Variants in NLGN1 observed in about 807,000 individuals in gnomAD.
NLGN1 encodes neuroligin 1.
NLGN1 carries 12 observed loss-of-function variants against 65.5 expected under a neutral mutation model. The observed-to-expected ratio is 0.18, with a 90% CI of 0.12 to 0.30. NLGN1 has a LOEUF of 0.30. NLGN1 is among the 10% of genes least tolerant of loss of function. NLGN1 has a pLI of 1.00. For synonymous variants in NLGN1, 350 were observed against 359.5 expected (o/e 0.97, Z 0.30); for missense variants, 750 against 1,007.1 (o/e 0.74, Z 3.46).
intron 2 of NLGN1, among the ~76,000 whole-genome samples, chr3:173,577,803 T>C (rs1404640885): frequency 1.3e-5 from 2 of 152,176 alleles, no homozygotes; most frequent in Non-Finnish European, 2.9e-5. Context: ...ATTTTCTCAG[T>C]TTCTTGTAAG....
At chr3:174,121,921 G>A (rs1184707447) in intron 4 of NLGN1, among the ~76,000 whole-genome samples, 2 of 152,090 alleles carry the variant, frequency 1.3e-5, no homozygotes, top group Non-Finnish European at 2.9e-5. Flanking sequence ...CACTATTCTT[G>A]CACTTGTCAT....
intron 4 of NLGN1, among the ~76,000 whole-genome samples, chr3:174,054,548 G>T (rs1318532986): frequency 1.3e-5 from 2 of 151,832 alleles, no homozygotes; most frequent in East Asian, 3.9e-4. Flanking sequence ...AGCTTTAGGG[G>T]TTCTGAACTG....
upstream of NLGN1, chr3:173,397,666 C>T (rs982071756): frequency 6.6e-6 from 1 of 152,602 alleles, no homozygotes; most frequent in East Asian, 1.9e-4. Context: ...CCCAGCTCTC[C>T]TCGCCGCTCC....
At chr3:173,513,886 G>T (rs1486987613) in intron 2 of NLGN1, among the ~76,000 whole-genome samples, 1 of 151,900 alleles carries the variant, frequency 6.6e-6, no homozygotes, top group African/African-American at 2.4e-5. Flanking sequence ...AAATTAGCCG[G>T]GTGTGGTGGT....
intron 4 of NLGN1, among the ~76,000 whole-genome samples, chr3:174,258,552 C>T (rs1374634168): frequency 6.6e-6 from 1 of 152,082 alleles, no homozygotes; most frequent in East Asian, 1.9e-4. Flanking sequence ...AATTACCACC[C>T]TAACCAAACG....
At chr3:173,640,533 C>T (rs944813372) in intron 3 of NLGN1, among the ~76,000 whole-genome samples, 5 of 151,958 alleles carry the variant, frequency 3.3e-5, no homozygotes, top group Admixed American at 1.3e-4. Flanking sequence ...TGACTTTCAC[C>T]GTAAGGCTAT....
At chr3:174,146,106 T>G in intron 4 of NLGN1, among the ~76,000 whole-genome samples, 1 of 111,518 alleles carries the variant, frequency 9.0e-6, no homozygotes, top group East Asian at 2.1e-4. Flanking sequence ...CCTTCCTTCC[T>G]TCCTTCCTTC....
rs144305760 is a variant in NLGN1, at chr3:174,104,517, T to A, written c.647-170798T>A. Among the ~76,000 whole-genome samples the A allele has an allele frequency of 9.6e-4, 146 of 152,280 alleles. 1 individual carries two copies. In the East Asian group the frequency reaches 0.026, roughly 27 times the overall value. ...TAGGCATAGATTATGCCTTTAAGTA[T>A]CTTATAATACTTGTTTTTAAAATAC... On this transcript the variant is annotated intron_variant, in intron 4 of 6. Transcript: ENST00000457714.
At chr3:173,489,370 T>G (rs1204203857) in intron 2 of NLGN1, among the ~76,000 whole-genome samples, 1 of 152,152 alleles carries the variant, frequency 6.6e-6, no homozygotes, top group South Asian at 2.1e-4. Flanking sequence ...TTGCTGAGAA[T>G]GATGGTTTCC....
At chr3:174,287,434 C>G (rs1752253438), downstream of NLGN1, among the ~76,000 whole-genome samples, 1 of 151,462 alleles carries the variant, frequency 6.6e-6, no homozygotes, top group South Asian at 2.1e-4. Flanking sequence ...AGTTAAAAAA[C>G]ATATTCTAAC....
chr3:174,010,813 T>C (rs946986334), intron 4 of NLGN1, among the ~76,000 whole-genome samples: 77 of 152,250 alleles, frequency 5.1e-4, no homozygotes, highest in Admixed American at 4.3e-3. Flanking sequence ...CAGGTTACCA[T>C]ATAAAATGTA....
At chr3:173,750,699 G>T (rs1264605132) in intron 3 of NLGN1, among the ~76,000 whole-genome samples, 1 of 152,092 alleles carries the variant, frequency 6.6e-6, no homozygotes, top group East Asian at 1.9e-4. Context: ...GTTAGTAGAG[G>T]TTTCTTTTGA....
chr3:173,805,729 G>A (rs1470607136), intron 3 of NLGN1, among the ~76,000 whole-genome samples: 1 of 152,190 alleles, frequency 6.6e-6, no homozygotes, highest in Non-Finnish European at 1.5e-5. Context: ...CGAGTACAGT[G>A]TCTGCTGTGA....
intron 4 of NLGN1, among the ~76,000 whole-genome samples, chr3:173,931,193 C>T (rs1181650207): frequency 2.0e-5 from 3 of 152,186 alleles, no homozygotes; most frequent in East Asian, 1.9e-4. Flanking sequence ...ACTCTAGGGG[C>T]TCTGGAGGAA....
At chr3:174,197,030 G>A (rs1485174351) in intron 4 of NLGN1, among the ~76,000 whole-genome samples, 1 of 151,974 alleles carries the variant, frequency 6.6e-6, no homozygotes, top group African/African-American at 2.4e-5. Flanking sequence ...AAGTCATTTG[G>A]AGCGTCTCCT....
chr3:174,251,932 C>T (rs1474185608), intron 4 of NLGN1, among the ~76,000 whole-genome samples: 1 of 151,978 alleles, frequency 6.6e-6, no homozygotes, highest in East Asian at 1.9e-4. Context: ...GCTTAAGCTA[C>T]GTAGATATTT....
intron 4 of NLGN1, among the ~76,000 whole-genome samples, chr3:173,917,798 G>C (rs115820693): frequency 6.6e-6 from 1 of 151,520 alleles, no homozygotes; most frequent in African/African-American, 2.4e-5. Context: ...AATATTATCA[G>C]CTGAACTTAG....
intron 4 of NLGN1, among the ~76,000 whole-genome samples, chr3:174,088,908 C>T (rs1463061284): frequency 6.6e-6 from 1 of 152,008 alleles, no homozygotes; most frequent in Non-Finnish European, 1.5e-5. Context: ...GTGTTGGTCT[C>T]TGCAGAGTAC....
chr3:173,895,388 G>A (rs951249730), intron 4 of NLGN1, among the ~76,000 whole-genome samples: 3 of 152,130 alleles, frequency 2.0e-5, no homozygotes, highest in African/African-American at 7.2e-5. Flanking sequence ...TGCCCGGAAA[G>A]GAAAGCAATG....
Sources: allele counts gnomAD v4.1 joint callset (sites outside exome capture counted in the v4.1 genomes callset), GRCh38; gene constraint gnomAD v4.1.1; transcripts MANE v1.5; gene names NCBI Gene and HGNC (gene_info 2026-07-23, HGNC 2026-07-21).